EAF2: variants seen among roughly 807,000 people sequenced by gnomAD.
EAF2 encodes the protein ELL-associated factor 2.
Under a neutral mutation model 29.4 loss-of-function variants are expected in EAF2, and 29 were observed. The observed-to-expected ratio is 0.99, with a 90% CI of 0.73 to 1.35. The LOEUF is 1.35. EAF2 is among the 40% of genes most tolerant of loss of function. EAF2 has a pLI of 0.00. For synonymous variants in EAF2, 103 were observed against 102.5 expected, an observed-to-expected ratio of 1.00 and a Z score of -0.03; for missense variants, 292 against 312.0, an observed-to-expected ratio of 0.94 and a Z score of 0.48.
chr3:121,847,354 C>A (rs1215711876), intron 2 of EAF2, among the ~76,000 whole-genome samples: 1 of 152,036 alleles, frequency 6.6e-6, no homozygotes, highest in Non-Finnish European at 1.5e-5. Context: ...TAAAGTTACC[C>A]AGATAAAGGA....
intron 2 of EAF2, among the ~76,000 whole-genome samples, chr3:121,848,760 G>T (rs1425751089): frequency 1.3e-5 from 2 of 152,114 alleles, no homozygotes; most frequent in Non-Finnish European, 2.9e-5. Flanking sequence ...GGATCTAGAA[G>T]AACATGTCAA....
chr3:121,862,645 A>G (rs1351654148), intron 4 of EAF2, among the ~76,000 whole-genome samples: 1 of 152,104 alleles, frequency 6.6e-6, no homozygotes, highest in African/African-American at 2.4e-5. Context: ...GAAGTTTGTT[A>G]TCACCAATTG....
At chr3:121,835,484 CT>C in intron 1 of EAF2, 93 bp downstream of exon 1, 2 of 1,123,312 alleles carry the variant, frequency 1.8e-6, no homozygotes, top group African/African-American at 1.5e-5. Context: ...CACAGTACCC[CT>C]TACACTGTTG....
chr3:121,872,804 C>A lies in EAF2; in HGVS notation c.736+16C>A. On this transcript the variant is annotated intron_variant, in intron 5 of 5. Transcript: ENST00000273668. Reference sequence around the variant, plus strand: ...AATACTTTAAGTAAGTATACATAAACACAGGCAATTGGAAAAGTAAGAATT... The same window carrying A: ...AATACTTTAAGTAAGTATACATAAAAACAGGCAATTGGAAAAGTAAGAATT... The A allele has an allele frequency of 6.3e-7, 1 of 1,592,784 alleles. No homozygotes were observed. The highest frequency in any genetic ancestry group is 1.1e-5 in the South Asian group (1 of 87,426).
At chr3:121,859,262 G>T (rs543163159) in intron 4 of EAF2, among the ~76,000 whole-genome samples, 3 of 152,146 alleles carry the variant, frequency 2.0e-5, no homozygotes, top group Non-Finnish European at 2.9e-5. Flanking sequence ...ACCTTGGACA[G>T]TATGGCCATT....
At chr3:121,875,043 CTT>C (rs1339119830) in intron 5 of EAF2, among the ~76,000 whole-genome samples, 5 of 151,460 alleles carry the variant, frequency 3.3e-5, no homozygotes, top group African/African-American at 9.7e-5. Flanking sequence ...TTTAGGGAAA[CTT>C]TTAGGGAAAT....
intron 4 of EAF2, among the ~76,000 whole-genome samples, chr3:121,869,828 G>A (rs1365093601): frequency 2.6e-5 from 4 of 152,150 alleles, no homozygotes; most frequent in African/African-American, 7.2e-5. Context: ...GGTTGAGGCT[G>A]CAGTGAGCCA....
In EAF2 at chr3:121,854,796, G is replaced by C; in HGVS notation, c.311G>C (p.Ser104Thr). The C allele has an allele frequency of 6.4e-7, 1 of 1,571,710 alleles. No individual in the cohort carries two copies. Residue 104 changes from serine to threonine, a missense_variant, in exon 3 of 6, where the codon AGC becomes ACC. By Grantham distance (58) the Ser-to-Thr change is moderately conservative. Coordinates refer to ENST00000273668, the MANE Select transcript of EAF2 (RefSeq NM_018456.6). The part of the protein sequence containing the change: ...DTGECRLEKL[S>T]SNITVKKTRV... ...GGAGAATGTCGGCTAGAAAAACTCA[G>C]CAGCAACATCACTGTAAAAAAAACA...
Position 121,844,513 on chromosome 3 carries a change from G to C in EAF2, c.167G>C (p.Gly56Ala). 6.2e-7 allele frequency: 1 copy of C among 1,611,198 alleles called. No individual in the cohort carries two copies. Among genetic ancestry groups the C allele is most frequent in the Non-Finnish European group, 8.5e-7 (1 of 1,178,590 alleles). The change falls in exon 2 of 6, where the codon GGT (glycine) becomes GCT (alanine). Residue 56 changes from glycine (G) to alanine (A), a missense_variant. Transcript: ENST00000273668. Reference sequence around the variant, plus strand: ...GAAGGATACCTTGAGGTTGGTGAAGGTGAACAGGTGACCATAACTCTGCCA... The same window carrying C: ...GAAGGATACCTTGAGGTTGGTGAAGCTGAACAGGTGACCATAACTCTGCCA... The part of the protein sequence containing the change: ...SSEGYLEVGE[G>A]EQVTITLPNI...
chr3:121,843,133 A>G (rs1265518004), intron 1 of EAF2, among the ~76,000 whole-genome samples: 1 of 152,222 alleles, frequency 6.6e-6, no homozygotes, highest in Non-Finnish European at 1.5e-5. Context: ...TAAGGAATAG[A>G]GGAATGGATT....
At chr3:121,841,221 C>A (rs1266130565) in intron 1 of EAF2, among the ~76,000 whole-genome samples, 4 of 151,922 alleles carry the variant, frequency 2.6e-5, no homozygotes, top group Non-Finnish European at 5.9e-5. Flanking sequence ...AAGTTGAGGA[C>A]TACCGGGCAT....
intron 4 of EAF2, among the ~76,000 whole-genome samples, chr3:121,859,014 G>T (rs893542665): frequency 1.1e-4 from 16 of 152,156 alleles, no homozygotes; most frequent in Admixed American, 2.0e-4. Flanking sequence ...CCTCTGTTAT[G>T]TTCCATTGGT....
chr3:121,878,594 C>T (rs1709140896), intron 5 of EAF2, among the ~76,000 whole-genome samples: 1 of 152,144 alleles, frequency 6.6e-6, no homozygotes, highest in Admixed American at 6.5e-5. Context: ...CATCATTCTA[C>T]TCTCTATCTC....
At chr3:121,865,310 C>T (rs1387113958) in intron 4 of EAF2, among the ~76,000 whole-genome samples, 1 of 152,080 alleles carries the variant, frequency 6.6e-6, no homozygotes, top group African/African-American at 2.4e-5. Context: ...AATCTCCAAC[C>T]ATAAAGCTTT....
chr3:121,855,544 C>T (rs968374477), intron 3 of EAF2, among the ~76,000 whole-genome samples: 8 of 152,096 alleles, frequency 5.3e-5, no homozygotes, highest in African/African-American at 1.9e-4. Flanking sequence ...TCCTGGGAAA[C>T]TCTATTTTTT....
intron 1 of EAF2, 124 bp downstream of exon 1, chr3:121,835,515 G>C (rs1043951298): frequency 6.5e-5 from 55 of 849,494 alleles, no homozygotes; most frequent in African/African-American, 5.7e-4. Context: ...GGGCGGGGAG[G>C]GGGGAGGCAG....
chr3:121,861,319 G>A (rs1430805908), intron 4 of EAF2, among the ~76,000 whole-genome samples: 3 of 152,114 alleles, frequency 2.0e-5, no homozygotes, highest in Admixed American at 6.5e-5. Flanking sequence ...CTCTTTGTAT[G>A]TCTCTAAGGA....
intron 1 of EAF2, among the ~76,000 whole-genome samples, chr3:121,841,525 A>AG (rs1708429682): frequency 6.3e-5 from 2 of 31,504 alleles, no homozygotes; most frequent in East Asian, 4.2e-4. Context: ...AAAAAAAAAA[A>AG]AAAAAAAAAA....
intron 4 of EAF2, among the ~76,000 whole-genome samples, chr3:121,864,054 T>A (rs973314798): frequency 6.6e-6 from 1 of 152,128 alleles, no homozygotes; most frequent in Non-Finnish European, 1.5e-5. Flanking sequence ...AGCAGGCAAC[T>A]TTTTCTGAAT....
Sources: gnomAD v4.1 joint callset for allele counts (sites outside exome capture counted in the v4.1 genomes callset) on GRCh38, gnomAD v4.1.1 for gene constraint, MANE v1.5 for transcripts, NCBI Gene and HGNC (gene_info 2026-07-23, HGNC 2026-07-21) for gene names.